LRRTM4: variants seen among roughly 807,000 people sequenced by gnomAD.
LRRTM4 encodes leucine rich repeat transmembrane neuronal 4.
LRRTM4 carries 25 observed loss-of-function variants against 47.6 expected under a neutral mutation model. The ratio of observed to expected loss-of-function variants is 0.53; its 90% CI spans 0.38 to 0.73. The LOEUF (loss-of-function observed/expected upper bound fraction) is 0.73. Among genes scored for constraint, LRRTM4 ranks in the 30% least tolerant of loss-of-function variants. The pLI is 0.00. For missense variants in LRRTM4, 638 were observed against 713.4 expected (o/e 0.89, Z 1.20); for synonymous variants, 311 against 269.5 (o/e 1.15, Z -1.51).
chr2:77,207,676 G>A (rs1247387891), intron 3 of LRRTM4, among the ~76,000 whole-genome samples: 1 of 151,656 alleles, frequency 6.6e-6, no homozygotes, highest in Admixed American at 6.6e-5. Context: ...ATTCTGGATG[G>A]TATGTAGATT....
intron 3 of LRRTM4, among the ~76,000 whole-genome samples, chr2:77,060,530 G>A (rs1679753171): frequency 6.6e-6 from 1 of 151,946 alleles, no homozygotes; most frequent in Non-Finnish European, 1.5e-5. Context: ...AAAATGACTT[G>A]AATATTTTGA....
At chr2:76,971,298 G>C (rs991910456) in intron 3 of LRRTM4, among the ~76,000 whole-genome samples, 1 of 150,954 alleles carries the variant, frequency 6.6e-6, no homozygotes, top group Non-Finnish European at 1.5e-5. Flanking sequence ...TGGAGCCCTA[G>C]GATATGTACC....
intron 3 of LRRTM4, among the ~76,000 whole-genome samples, chr2:77,394,943 G>C (rs1673644332): frequency 6.6e-6 from 1 of 151,902 alleles, no homozygotes; most frequent in Non-Finnish European, 1.5e-5. Flanking sequence ...TCAGATTCTG[G>C]CATTGAGCTC....
chr2:76,900,469 T>C (rs567018716), intron 3 of LRRTM4, among the ~76,000 whole-genome samples: 3 of 152,268 alleles, frequency 2.0e-5, no homozygotes, highest in African/African-American at 7.2e-5. Context: ...TATTTATGTT[T>C]TTATAATATA....
intron 3 of LRRTM4, among the ~76,000 whole-genome samples, chr2:77,136,145 G>A (rs1194701521): frequency 6.6e-6 from 1 of 152,116 alleles, no homozygotes; most frequent in African/African-American, 2.4e-5. Flanking sequence ...CTCCCAGCAT[G>A]GAGTTTGAGA....
In LRRTM4 at chr2:77,214,769, GA is replaced by G. The variant is rs201385023; in HGVS notation, c.1551+303548del. ...TCCAGCCATCTGTTAACTCGTCTCTGAAAAAAAATATTTATTTATAATTCTA... is the reference window on the plus strand; with the variant it reads ...TCCAGCCATCTGTTAACTCGTCTCTGAAAAAAATATTTATTTATAATTCTA... On this transcript the variant is annotated intron_variant, in intron 3 of 3. Transcript: ENST00000409884. 6.0e-5 allele frequency among the ~76,000 whole-genome samples: 9 copies of G among 150,634 alleles called. No individual in the cohort carries two copies. In the South Asian group the frequency reaches 6.3e-4, roughly 11 times the overall value.
intron 3 of LRRTM4, among the ~76,000 whole-genome samples, chr2:77,173,956 T>C (rs1673124071): frequency 6.6e-6 from 1 of 152,226 alleles, no homozygotes; most frequent in South Asian, 2.1e-4. Flanking sequence ...AGCTGTTGGC[T>C]GTTTACCTAC....
In LRRTM4 at chr2:76,748,822, C is replaced by T; in HGVS notation, c.1646G>A (p.Gly549Asp). The T allele has an allele frequency of 6.2e-7, 1 of 1,613,984 alleles. No homozygotes were observed. Among genetic ancestry groups the T allele is most frequent in the Non-Finnish European group, 8.5e-7 (1 of 1,179,876 alleles). Residue 549 changes from glycine (G) to aspartate (D), a missense_variant, in exon 4 of 4, where the codon GGC (glycine) becomes GAC (aspartate). Physicochemically the swap from Gly to Asp is moderately conservative, Grantham distance 94. Transcript: ENST00000409884. ...QAHQPLHVTK[G>D]YETVSPEQDE... Reference sequence around the variant, plus strand: ...CTGCTCTGGAGACACTGTCTCATAGCCCTTGGTGACATGGAGTGGCTGGTG... The same window carrying T: ...CTGCTCTGGAGACACTGTCTCATAGTCCTTGGTGACATGGAGTGGCTGGTG...
chr2:76,760,124 T>C (rs1451843364), intron 3 of LRRTM4, among the ~76,000 whole-genome samples: 1 of 152,158 alleles, frequency 6.6e-6, no homozygotes, highest in East Asian at 1.9e-4. Context: ...AGTTTACCTC[T>C]AAAGCTGTGA....
intron 3 of LRRTM4, among the ~76,000 whole-genome samples, chr2:77,245,517 C>CAAAAAAAAAAAAA (rs770133274): frequency 1.2e-5 from 1 of 86,458 alleles, no homozygotes. Flanking sequence ...GACACTGCCT[C>CAAAAAAAAAAAAA]AAAAAAAAAA....
At chr2:76,796,563 A>G (rs1558659464) in intron 3 of LRRTM4, among the ~76,000 whole-genome samples, 1 of 121,688 alleles carries the variant, frequency 8.2e-6, no homozygotes, top group Non-Finnish European at 1.7e-5. Flanking sequence ...GACACCTCAC[A>G]CGGCAGGGTA....
intron 3 of LRRTM4, among the ~76,000 whole-genome samples, chr2:77,230,160 T>A (rs1035966577): frequency 6.6e-6 from 1 of 152,186 alleles, no homozygotes; most frequent in Non-Finnish European, 1.5e-5. Flanking sequence ...GATTTTAATA[T>A]AAACAAGTCA....
chr2:77,280,348 T>G (rs1438672707), intron 3 of LRRTM4, among the ~76,000 whole-genome samples: 1 of 152,102 alleles, frequency 6.6e-6, no homozygotes, highest in East Asian at 1.9e-4. Context: ...ACTTCAAAAC[T>G]ACAGAAATGT....
intron 3 of LRRTM4, among the ~76,000 whole-genome samples, chr2:77,194,311 C>G (rs1673756466): frequency 6.6e-6 from 1 of 152,108 alleles, no homozygotes; most frequent in Non-Finnish European, 1.5e-5. Flanking sequence ...AAGCAAAAGT[C>G]CATTTGATTT....
intron 3 of LRRTM4, among the ~76,000 whole-genome samples, chr2:76,909,301 C>G (rs1397523946): frequency 6.6e-6 from 1 of 152,162 alleles, no homozygotes; most frequent in African/African-American, 2.4e-5. Flanking sequence ...ATGTAGAAAG[C>G]TGAAACTGGA....
intron 3 of LRRTM4, among the ~76,000 whole-genome samples, chr2:77,220,731 G>T (rs916288863): frequency 6.6e-6 from 1 of 152,202 alleles, no homozygotes; most frequent in African/African-American, 2.4e-5. Flanking sequence ...ACATCTGATT[G>T]CTGTACCTGA....
intron 3 of LRRTM4, among the ~76,000 whole-genome samples, chr2:76,993,923 A>G (rs1468250826): frequency 1.3e-5 from 2 of 151,970 alleles, no homozygotes; most frequent in African/African-American, 4.8e-5. Context: ...TACTATGCAG[A>G]CATAACATAA....
intron 3 of LRRTM4, among the ~76,000 whole-genome samples, chr2:76,983,414 T>C (rs1206107598): frequency 6.6e-6 from 1 of 152,014 alleles, no homozygotes; most frequent in Non-Finnish European, 1.5e-5. Flanking sequence ...GTTTCCCCCA[T>C]ACTGTTCTCA....
chr2:76,755,241 G>C (rs935597508), intron 3 of LRRTM4, among the ~76,000 whole-genome samples: 2 of 152,060 alleles, frequency 1.3e-5, no homozygotes, highest in African/African-American at 4.8e-5. Context: ...TCTCAGTTCT[G>C]GTCATGGGGA....
Sources: gnomAD v4.1 joint callset for allele counts (sites outside exome capture counted in the v4.1 genomes callset) on GRCh38, gnomAD v4.1.1 for gene constraint, MANE v1.5 for transcripts, NCBI Gene and HGNC (gene_info 2026-07-23, HGNC 2026-07-21) for gene names.